The following LRRTM4 variants were observed in gnomAD, a reference collection of about 807,000 sequenced individuals.
LRRTM4 encodes leucine-rich repeat transmembrane neuronal protein 4.
In LRRTM4, 25 loss-of-function variants were observed where a neutral mutation model predicts 47.6. The observed-to-expected ratio is 0.53, with a 90% confidence interval of 0.38 to 0.73. The LOEUF is 0.73. Ranked by LOEUF, LRRTM4 falls within the 30% of genes least tolerant of loss-of-function variation. The probability of loss-of-function intolerance (pLI) is 0.00; values close to 1 mark genes in which losing one functional copy is unlikely to be tolerated. For synonymous variants in LRRTM4, 311 were observed against 269.5 expected (o/e 1.15, Z -1.51); for missense variants, 638 against 713.4 (o/e 0.89, Z 1.20).
chr2:77,091,377 C>T (rs182193569), intron 3 of LRRTM4, among the ~76,000 whole-genome samples: 15,151 of 126,236 alleles, frequency 0.12, 1,173 homozygotes, highest in East Asian at 0.32. Flanking sequence ...TCCCGAAGCA[C>T]ACTTTAAAAA....
chr2:77,032,970 A>G (rs1192560706), intron 3 of LRRTM4, among the ~76,000 whole-genome samples: 1 of 152,080 alleles, frequency 6.6e-6, no homozygotes, highest in East Asian at 1.9e-4. Flanking sequence ...CCCGTGACAC[A>G]TTTGATATTT....
chr2:77,156,974 G>T (rs1286866261), intron 3 of LRRTM4, among the ~76,000 whole-genome samples: 2 of 148,410 alleles, frequency 1.3e-5, no homozygotes, highest in African/African-American at 2.5e-5. Flanking sequence ...AATAACCTTT[G>T]TTACTATTCA....
chr2:77,411,021 C>T (rs965741936), intron 3 of LRRTM4, among the ~76,000 whole-genome samples: 4 of 152,092 alleles, frequency 2.6e-5, no homozygotes, highest in Admixed American at 6.5e-5. Flanking sequence ...TATAATCTAC[C>T]TGGAACAATA....
intron 3 of LRRTM4, among the ~76,000 whole-genome samples, chr2:77,137,131 C>T (rs1411272039): frequency 1.3e-5 from 2 of 151,696 alleles, no homozygotes; most frequent in Non-Finnish European, 2.9e-5. Flanking sequence ...TAGAGTACCA[C>T]AAAGATACTC....
At chr2:77,300,195 G>A (rs1677095987) in intron 3 of LRRTM4, among the ~76,000 whole-genome samples, 1 of 152,040 alleles carries the variant, frequency 6.6e-6, no homozygotes, top group African/African-American at 2.4e-5. Flanking sequence ...GTTCAAGAGA[G>A]TACCTAAAAG....
At chr2:76,965,974 A>G (rs114473402) in intron 3 of LRRTM4, among the ~76,000 whole-genome samples, 2,283 of 151,512 alleles carry the variant, frequency 0.015, 62 homozygotes, top group African/African-American at 0.052. Context: ...GCCAGCTTCA[A>G]AAACAAATTG....
chr2:77,109,633 T>A (rs567380349), intron 3 of LRRTM4, among the ~76,000 whole-genome samples: 1 of 151,862 alleles, frequency 6.6e-6, no homozygotes, highest in South Asian at 2.1e-4. Context: ...CAACTTAAAA[T>A]AAAAAATATC....
At chr2:76,799,915 A>C (rs1169359772) in intron 3 of LRRTM4, among the ~76,000 whole-genome samples, 3 of 150,916 alleles carry the variant, frequency 2.0e-5, no homozygotes, top group Non-Finnish European at 3.0e-5. Flanking sequence ...GGACCTCTTC[A>C]AGGAGAACTA....
intron 3 of LRRTM4, among the ~76,000 whole-genome samples, chr2:77,164,665 A>C (rs112653507): frequency 2.3e-4 from 35 of 152,316 alleles, no homozygotes; most frequent in African/African-American, 6.7e-4. Flanking sequence ...AAACCCACTC[A>C]AAACCGCTCA....
intron 3 of LRRTM4, among the ~76,000 whole-genome samples, chr2:77,379,097 T>A (rs1031831968): frequency 6.6e-6 from 1 of 152,156 alleles, no homozygotes; most frequent in Non-Finnish European, 1.5e-5. Context: ...ATTGTACTTA[T>A]ATAGTGATAT....
intron 3 of LRRTM4, among the ~76,000 whole-genome samples, chr2:77,248,471 C>T (rs1217024537): frequency 6.6e-6 from 1 of 151,914 alleles, no homozygotes; most frequent in Non-Finnish European, 1.5e-5. Context: ...TCAGTTCTTC[C>T]CAAATGATAT....
At chr2:76,811,989 C>G (rs1269981488) in intron 3 of LRRTM4, among the ~76,000 whole-genome samples, 6 of 152,138 alleles carry the variant, frequency 3.9e-5, no homozygotes. Flanking sequence ...TCCCATTATA[C>G]TAAATATGTT....
At chr2:76,788,408 G>C (rs981827221) in intron 3 of LRRTM4, among the ~76,000 whole-genome samples, 1 of 152,152 alleles carries the variant, frequency 6.6e-6, no homozygotes, top group Non-Finnish European at 1.5e-5. Context: ...GAGTGAATAA[G>C]CTTTCTTTTA....
intron 3 of LRRTM4, among the ~76,000 whole-genome samples, chr2:76,934,219 G>A (rs989994089): frequency 2.0e-5 from 3 of 152,016 alleles, no homozygotes; most frequent in South Asian, 2.1e-4. Context: ...TGTTGAATAC[G>A]ATAATAAAAG....
At chr2:77,318,904 C>CA (rs1558686332) in intron 3 of LRRTM4, among the ~76,000 whole-genome samples, 1 of 151,458 alleles carries the variant, frequency 6.6e-6, no homozygotes, top group South Asian at 2.1e-4. Flanking sequence ...TATCTTGAAA[C>CA]AATGTTTCAA....
At chr2:77,003,165 TTA>T (rs1458393358) in intron 3 of LRRTM4, among the ~76,000 whole-genome samples, 1 of 140,092 alleles carries the variant, frequency 7.1e-6, no homozygotes, top group African/African-American at 3.0e-5. Context: ...CTTCAGCTTT[TTA>T]TGTTCTTATT....
chr2:76,775,560 T>C (rs991426024), intron 3 of LRRTM4, among the ~76,000 whole-genome samples: 1 of 152,150 alleles, frequency 6.6e-6, no homozygotes, highest in Non-Finnish European at 1.5e-5. Flanking sequence ...GTTCTTGTTG[T>C]AAAACAGACC....
chr2:77,049,133 T>TATAC (rs1239697867), intron 3 of LRRTM4, among the ~76,000 whole-genome samples: 1,743 of 123,708 alleles, frequency 0.014, 49 homozygotes, highest in East Asian at 0.061. Context: ...TATATATATA[T>TATAC]ATATATATAT....
chr2:77,192,075 C>G (rs1036572260), intron 3 of LRRTM4, among the ~76,000 whole-genome samples: 1 of 152,000 alleles, frequency 6.6e-6, no homozygotes, highest in African/African-American at 2.4e-5. Context: ...TTTCACATAA[C>G]TAAAAATTGG....
Sources: allele counts gnomAD v4.1 joint callset (sites outside exome capture counted in the v4.1 genomes callset), GRCh38; gene constraint gnomAD v4.1.1; transcripts MANE v1.5; gene names NCBI Gene and HGNC (gene_info 2026-07-23, HGNC 2026-07-21).